Variants in SDK1 observed in about 807,000 individuals in gnomAD.
SDK1 encodes sidekick cell adhesion molecule 1, also known as protein sidekick-1.
A neutral mutation model predicts 245.5 loss-of-function variants in SDK1; 157 were observed. That is an observed-to-expected ratio of 0.64 (90% CI 0.56 to 0.73). SDK1 has a LOEUF of 0.73. Ranked by LOEUF, SDK1 falls within the 30% of genes least tolerant of loss-of-function variation. The probability of loss-of-function intolerance (pLI) is 0.00; values close to 1 mark genes in which losing one functional copy is unlikely to be tolerated. For synonymous variants in SDK1, 1,647 were observed against 1,278.5 expected, an observed-to-expected ratio of 1.29 and a Z score of -6.15; for missense variants, 3,583 against 3,002.3, an observed-to-expected ratio of 1.19 and a Z score of -4.52.
At chr7:3,509,011 TAGCA>T (rs1341272068) in intron 1 of SDK1, among the ~76,000 whole-genome samples, 3 of 152,162 alleles carry the variant, frequency 2.0e-5, no homozygotes, top group Non-Finnish European at 2.9e-5. Flanking sequence ...TGGTGGGTCA[TAGCA>T]GGCAGGCAGC....
At chr7:3,600,235 A>G (rs947751040) in intron 1 of SDK1, among the ~76,000 whole-genome samples, 1 of 152,234 alleles carries the variant, frequency 6.6e-6, no homozygotes, top group Non-Finnish European at 1.5e-5. Flanking sequence ...CATCGTTTAT[A>G]GAAATGTGAT....
At chr7:4,027,273 G>GT (rs1787432957) in intron 17 of SDK1, among the ~76,000 whole-genome samples, 1 of 152,216 alleles carries the variant, frequency 6.6e-6, no homozygotes, top group African/African-American at 2.4e-5. Context: ...CGGTTTATGT[G>GT]TAACAGGGAA....
chr7:3,904,722 G>A (rs1023599999), intron 5 of SDK1, among the ~76,000 whole-genome samples: 4 of 151,916 alleles, frequency 2.6e-5, no homozygotes, highest in South Asian at 2.1e-4. Flanking sequence ...GGCCGGGCAC[G>A]GTGGCTCACG....
At chr7:3,507,621 C>T (rs1239266767) in intron 1 of SDK1, among the ~76,000 whole-genome samples, 1 of 152,104 alleles carries the variant, frequency 6.6e-6, no homozygotes, top group African/African-American at 2.4e-5. Flanking sequence ...GAAATGTTTC[C>T]ATCCTTGCTG....
intron 1 of SDK1, among the ~76,000 whole-genome samples, chr7:3,452,666 A>T (rs962501381): frequency 6.6e-6 from 1 of 152,188 alleles, no homozygotes; most frequent in African/African-American, 2.4e-5. Flanking sequence ...ACTTCCTACA[A>T]TATTGTCCTA....
chr7:3,665,958 C>T (rs1466547782), intron 4 of SDK1, among the ~76,000 whole-genome samples: 2 of 152,256 alleles, frequency 1.3e-5, no homozygotes, highest in East Asian at 3.9e-4. Flanking sequence ...CACAATTTCT[C>T]GGTTGGCTCA....
intron 4 of SDK1, among the ~76,000 whole-genome samples, chr7:3,671,318 T>C (rs747102279): frequency 6.6e-6 from 1 of 152,230 alleles, no homozygotes; most frequent in Non-Finnish European, 1.5e-5. Context: ...GGCCTCTACA[T>C]TGTGTGAGTC....
chr7:3,820,334 G>A (rs938200184), intron 4 of SDK1, among the ~76,000 whole-genome samples: 2 of 152,110 alleles, frequency 1.3e-5, no homozygotes, highest in African/African-American at 4.8e-5. Flanking sequence ...ATTTTCAGTA[G>A]AGATGAGGTT....
At chr7:4,056,666 C>T (rs533873720) in intron 19 of SDK1, among the ~76,000 whole-genome samples, 3 of 152,220 alleles carry the variant, frequency 2.0e-5, no homozygotes, top group African/African-American at 7.2e-5. Flanking sequence ...CCAAGACTCA[C>T]GTAGGGAGAC....
Position 4,237,672 on chromosome 7 carries a change from G to T in SDK1, c.6018G>T (p.Glu2006Asp). 6.2e-7 allele frequency: 1 copy of T among 1,614,166 alleles called. No homozygotes were observed. The highest frequency in any genetic ancestry group is 8.5e-7 in the Non-Finnish European group (1 of 1,180,026). Residue 2006 changes from glutamate to aspartate, a missense_variant, in exon 42 of 45, where the codon GAG becomes GAT. By Grantham distance (45) the Glu-to-Asp change is conservative. Transcript: ENST00000404826. ...CTCAAGTGGAAGCCCCATTCTACGA[G>T]GAGTGGTGGTTCCTCCTGGTGATGG... ...VSAQVEAPFY[E>D]EWWFLLVMAL...
At chr7:4,194,322 ATGCACGTATGTG>A (rs1562415733) in intron 35 of SDK1, among the ~76,000 whole-genome samples, 1,711 of 139,508 alleles carry the variant, frequency 0.012, 85 homozygotes, top group African/African-American at 0.046. Context: ...ACATATATGT[ATGCACGTATGTG>A]TATACATGTA....
At position 4,001,108 on chromosome 7, in the gene SDK1, C is replaced by G. The variant is rs556911839; in HGVS notation, c.2132-9858C>G. Among the ~76,000 whole-genome samples, 6 of 152,274 alleles carry G rather than the reference C, an allele frequency of 3.9e-5. No homozygotes were observed. In the South Asian group the frequency reaches 8.3e-4, roughly 21 times the overall value. ...GCTGTCCCACAGGATGGTGTAACTT[C>G]CTGCGTGGGAGTGCCTGTGGTGACC... On this transcript the variant is annotated intron_variant, in intron 14 of 44. Coordinates refer to ENST00000404826, the MANE Select transcript of SDK1 (RefSeq NM_152744.4).
chr7:4,249,790 A>AC (rs1268152713), intron 44 of SDK1, among the ~76,000 whole-genome samples: 1 of 152,200 alleles, frequency 6.6e-6, no homozygotes, highest in Non-Finnish European at 1.5e-5. Context: ...AACAGAGGGA[A>AC]CCGGGGACTT....
At chr7:3,419,766 T>G (rs1389157123) in intron 1 of SDK1, among the ~76,000 whole-genome samples, 1 of 152,204 alleles carries the variant, frequency 6.6e-6, no homozygotes, top group East Asian at 1.9e-4. Flanking sequence ...AAGTTCCCAG[T>G]GTTCAAGAAA....
intron 30 of SDK1, among the ~76,000 whole-genome samples, chr7:4,152,642 A>G (rs1780461961): frequency 6.6e-6 from 1 of 152,230 alleles, no homozygotes; most frequent in South Asian, 2.1e-4. Flanking sequence ...GGCCAGAACT[A>G]GGACAAATGC....
intron 2 of SDK1, 70 bp from the exon 3 acceptor site, chr7:3,638,934 C>T (rs372716352): frequency 1.2e-6 from 1 of 861,148 alleles, no homozygotes; most frequent in Non-Finnish European, 1.8e-6. Flanking sequence ...GATAAAATAG[C>T]ATCTGATGGT....
At chr7:3,424,740 TAAAA>T (rs1192055102) in intron 1 of SDK1, among the ~76,000 whole-genome samples, 7 of 151,918 alleles carry the variant, frequency 4.6e-5, no homozygotes, top group African/African-American at 1.7e-4. Context: ...CTACAAAAAA[TAAAA>T]AAACTAGCCA....
chr7:3,361,816 T>G (rs1780961015), intron 1 of SDK1, among the ~76,000 whole-genome samples: 1 of 152,226 alleles, frequency 6.6e-6, no homozygotes, highest in Non-Finnish European at 1.5e-5. Context: ...GAATAACCGG[T>G]GAATTTTCCA....
chr7:3,868,558 T>G (rs1276545010), intron 5 of SDK1, among the ~76,000 whole-genome samples: 1 of 152,256 alleles, frequency 6.6e-6, no homozygotes, highest in African/African-American at 2.4e-5. Context: ...AATCAGATAA[T>G]GTAATCTGCT....
Sources: gnomAD v4.1 joint callset for allele counts (sites outside exome capture counted in the v4.1 genomes callset) on GRCh38, gnomAD v4.1.1 for gene constraint, MANE v1.5 for transcripts, NCBI Gene and HGNC (gene_info 2026-07-23, HGNC 2026-07-21) for gene names.